Variants in EXOC6 observed in about 807,000 individuals in gnomAD.
The protein encoded by EXOC6 is SEC15-like 1.
Under a neutral mutation model 112.5 loss-of-function variants are expected in EXOC6, and 60 were observed. That is an observed-to-expected ratio of 0.53 (90% confidence interval 0.43 to 0.66). EXOC6 has a LOEUF of 0.66. Among genes scored for constraint, EXOC6 ranks in the 30% least tolerant of loss-of-function variants. EXOC6 has a pLI of 0.00. For missense variants in EXOC6, 855 were observed against 957.1 expected, an observed-to-expected ratio of 0.89 and a Z score of 1.41; for synonymous variants, 295 against 308.0, an observed-to-expected ratio of 0.96 and a Z score of 0.44.
At chr10:92,925,891 G>C (rs550452512) in intron 8 of EXOC6, among the ~76,000 whole-genome samples, 4 of 152,028 alleles carry the variant, frequency 2.6e-5, no homozygotes, top group Non-Finnish European at 4.4e-5. Context: ...ATGAACTCCT[G>C]GCCTTGAGCA....
chr10:92,949,684 C>T (rs929012565), intron 14 of EXOC6, among the ~76,000 whole-genome samples: 7 of 151,886 alleles, frequency 4.6e-5, no homozygotes, highest in Non-Finnish European at 7.4e-5. Context: ...CCTCTGCCTC[C>T]TGGGTTCAAG....
intron 20 of EXOC6, among the ~76,000 whole-genome samples, chr10:93,040,201 G>T (rs1845693968): frequency 6.6e-6 from 1 of 152,124 alleles, no homozygotes; most frequent in Non-Finnish European, 1.5e-5. Flanking sequence ...TCTTTTGTAT[G>T]GGATTTTGTT....
At chr10:92,915,725 G>T in intron 6 of EXOC6, 33 bp from the exon 7 acceptor site, 1 of 1,459,670 alleles carries the variant, frequency 6.9e-7, no homozygotes, top group South Asian at 1.6e-5. Context: ...AATCAGTTTT[G>T]AAATAATCTG....
At chr10:92,935,485 T>A (rs1852289745) in intron 11 of EXOC6, among the ~76,000 whole-genome samples, 1 of 152,098 alleles carries the variant, frequency 6.6e-6, no homozygotes, top group Admixed American at 6.5e-5. Flanking sequence ...ACATAGTGTC[T>A]CTTTTATAAG....
chr10:93,008,695 A>G (rs1844105750), intron 19 of EXOC6, among the ~76,000 whole-genome samples: 1 of 152,290 alleles, frequency 6.6e-6, no homozygotes, highest in African/African-American at 2.4e-5. Context: ...GATTTGTATT[A>G]CTATTTATTC....
Position 92,974,022 on chromosome 10 carries a change from T to G in EXOC6, c.1774-31T>G, listed in dbSNP as rs544906938. 1.5e-5 allele frequency: 22 copies of G among 1,512,050 alleles called. No individual in the cohort carries two copies. In the African/African-American group the frequency reaches 2.8e-4, roughly 19 times the overall value. The allele number at this position is 1,512,050 out of a possible 1,614,324, so 93.7% of individuals were successfully genotyped here. A position where few individuals can be genotyped will look rare whatever the true frequency, so the allele number is the denominator to read the frequency against. On this transcript the variant is annotated intron_variant, in intron 17 of 21. Transcript: ENST00000260762. ...GAACACTTGTTTTATTATCTGTTTC[T>G]TGTCTTTGTTGTTATTTTGTCCCAT...
intron 1 of EXOC6, among the ~76,000 whole-genome samples, chr10:92,868,166 G>C (rs1282684556): frequency 6.6e-6 from 1 of 152,094 alleles, no homozygotes; most frequent in Non-Finnish European, 1.5e-5. Flanking sequence ...AGTTATAGGG[G>C]AGTCCACCCA....
intron 20 of EXOC6, among the ~76,000 whole-genome samples, chr10:93,045,212 CCAGT>C (rs1278014216): frequency 6.6e-6 from 1 of 152,088 alleles, no homozygotes; most frequent in Non-Finnish European, 1.5e-5. Flanking sequence ...TAAAGAAAAG[CCAGT>C]CATTGTTTAT....
chr10:92,989,010 T>TA (rs1253123525), intron 18 of EXOC6, among the ~76,000 whole-genome samples: 2 of 152,216 alleles, frequency 1.3e-5, no homozygotes, highest in Non-Finnish European at 2.9e-5. Context: ...TGATTCCACT[T>TA]AACTGCATGT....
chr10:92,913,895 T>A (rs10882127), intron 6 of EXOC6, among the ~76,000 whole-genome samples: 38,511 of 152,196 alleles, frequency 0.25, 6,222 homozygotes, highest in East Asian at 0.73. Flanking sequence ...GAGAATTTTT[T>A]AAATTCTAAT....
Position 93,029,389 on chromosome 10 carries a change from T to G in EXOC6, c.2169+15122T>G, listed in dbSNP as rs186047072. Among the ~76,000 whole-genome samples, 27 of 152,332 alleles carry G rather than the reference T, an allele frequency of 1.8e-4. 1 individual carries two copies. The highest frequency in any genetic ancestry group is 1.6e-3 in the Admixed American group (24 of 15,306). On this transcript the variant is annotated intron_variant, in intron 20 of 21. Transcript: ENST00000260762. The stretch of plus-strand genomic sequence containing the variant: ...TATGCCTGTTTATTTCTTGATGACT[T>G]ATAAAATTGAATTTTTTTCATCCAT...
At chr10:92,872,237 C>T (rs1279228199) in intron 1 of EXOC6, among the ~76,000 whole-genome samples, 1 of 151,872 alleles carries the variant, frequency 6.6e-6, no homozygotes, top group Non-Finnish European at 1.5e-5. Context: ...TATTTATTTC[C>T]CCTTTGATCC....
intron 13 of EXOC6, among the ~76,000 whole-genome samples, chr10:92,944,842 AGCTCACTG>A (rs1852885528): frequency 6.7e-6 from 1 of 149,504 alleles, no homozygotes; most frequent in East Asian, 2.0e-4. Flanking sequence ...GTGCAATCTC[AGCTCACTG>A]CAACCTCTGC....
At chr10:92,975,740 G>A (rs1169336995) in intron 18 of EXOC6, among the ~76,000 whole-genome samples, 2 of 131,534 alleles carry the variant, frequency 1.5e-5, no homozygotes, top group Non-Finnish European at 3.4e-5. Context: ...CGGGAGGGAG[G>A]TCGGGGGGCC....
chr10:93,016,228 G>T (rs1844503721), intron 20 of EXOC6, among the ~76,000 whole-genome samples: 1 of 152,048 alleles, frequency 6.6e-6, no homozygotes, highest in Non-Finnish European at 1.5e-5. Flanking sequence ...CTGCCTCCAG[G>T]GTTCAAGCAA....
chr10:92,940,930 G>A, intron 13 of EXOC6, 106 bp downstream of exon 13: 1 of 766,268 alleles, frequency 1.3e-6, no homozygotes, highest in Non-Finnish European at 2.2e-6. Context: ...TTTTATTGTA[G>A]TAAAGTACAC....
At chr10:93,026,156 T>TA (rs1169397660) in intron 20 of EXOC6, among the ~76,000 whole-genome samples, 1 of 152,252 alleles carries the variant, frequency 6.6e-6, no homozygotes, top group Non-Finnish European at 1.5e-5. Flanking sequence ...GGTAGACATA[T>TA]GAAGTGATTC....
intron 17 of EXOC6, among the ~76,000 whole-genome samples, chr10:92,959,237 G>A (rs1853856969): frequency 6.6e-6 from 1 of 152,100 alleles, no homozygotes; most frequent in Non-Finnish European, 1.5e-5. Flanking sequence ...AAGGAGCAAA[G>A]GTAATAAAAT....
chr10:92,974,171 G>T lies in EXOC6; in HGVS notation c.1892G>T (p.Gly631Val). The T allele has an allele frequency of 1.7e-5, 27 of 1,597,982 alleles. No individual in the cohort carries two copies. Among genetic ancestry groups the T allele is most frequent in the Non-Finnish European group, 2.3e-5 (27 of 1,176,432 alleles). ...TMSEPDGRAS[G>V]YLMDLINFLR... ...TCTGAGCCAGATGGAAGAGCTAGTG[G>T]TTATTTAATGGACCTTATAAATTTT... Residue 631 changes from glycine to valine, a missense_variant, in exon 18 of 22, where the codon GGT becomes GTT. By Grantham distance (109) the Gly-to-Val change is moderately radical. Coordinates refer to ENST00000260762, the MANE Select transcript of EXOC6 (RefSeq NM_019053.6).
Sources: allele counts gnomAD v4.1 joint callset (sites outside exome capture counted in the v4.1 genomes callset), GRCh38; gene constraint gnomAD v4.1.1; transcripts MANE v1.5; gene names NCBI Gene and HGNC (gene_info 2026-07-23, HGNC 2026-07-21).